The following BST1 variants were observed in gnomAD, a reference collection of about 807,000 sequenced individuals.
BST1 encodes the protein bone marrow stromal cell antigen 1.
Under a neutral mutation model 40.6 loss-of-function variants are expected in BST1, and 49 were observed. The ratio of observed to expected loss-of-function variants is 1.21; its 90% confidence interval spans 0.96 to 1.53. The LOEUF (loss-of-function observed/expected upper bound fraction) is 1.53, where lower values mean the gene tolerates loss of function less well. Among genes scored for constraint, BST1 ranks in the 40% most tolerant of loss-of-function variants. The probability of loss-of-function intolerance (pLI) is 0.00; values close to 1 mark genes in which losing one functional copy is unlikely to be tolerated. For missense variants in BST1, 423 were observed against 395.9 expected (o/e 1.07, Z -0.58); for synonymous variants, 157 against 159.3 (o/e 0.99, Z 0.11).
intron 2 of BST1, among the ~76,000 whole-genome samples, chr4:15,706,584 A>G (rs1481147538): frequency 6.6e-6 from 1 of 152,254 alleles, no homozygotes; most frequent in Non-Finnish European, 1.5e-5. Flanking sequence ...AAGGAATGCT[A>G]GACACCATTT....
intron 8 of BST1, 96 bp from the exon 9 acceptor site, chr4:15,731,644 C>G (rs2148896910): frequency 3.4e-6 from 5 of 1,466,844 alleles, no homozygotes; most frequent in Middle Eastern, 3.6e-4. Flanking sequence ...TCGCTCCGCG[C>G]TAACCAGAAA....
the BST1 span, among the ~76,000 whole-genome samples, chr4:15,759,959 A>T: frequency 6.6e-6 from 1 of 151,934 alleles, no homozygotes; most frequent in Non-Finnish European, 1.5e-5. Flanking sequence ...ATTTACAAAC[A>T]TAAAATTTAT....
downstream of BST1, among the ~76,000 whole-genome samples, chr4:15,735,316 C>T (rs1721515898): frequency 1.3e-5 from 2 of 152,318 alleles, no homozygotes; most frequent in East Asian, 3.9e-4. Context: ...GGGACTGTGG[C>T]TTCTTTGCAG....
the BST1 span, among the ~76,000 whole-genome samples, chr4:15,747,491 C>T: frequency 1.3e-5 from 2 of 152,078 alleles, no homozygotes; most frequent in Non-Finnish European, 2.9e-5. Context: ...GGAGTTTTTC[C>T]GTGAAGCCAG....
chr4:15,768,489 T>C, the BST1 span, among the ~76,000 whole-genome samples: 1 of 143,340 alleles, frequency 7.0e-6, no homozygotes, highest in Admixed American at 6.9e-5. Context: ...TCTTTTTTTT[T>C]TTTTTTTTTT....
At chr4:15,761,055 GT>G in the BST1 span, among the ~76,000 whole-genome samples, 2 of 151,392 alleles carry the variant, frequency 1.3e-5, no homozygotes, top group Admixed American at 6.6e-5. Flanking sequence ...GTTTTGTTTT[GT>G]TTTTTAAGAC....
At chr4:15,766,208 A>T in the BST1 span, among the ~76,000 whole-genome samples, 8 of 152,068 alleles carry the variant, frequency 5.3e-5, no homozygotes, top group East Asian at 1.4e-3. Context: ...GAAGTATAGG[A>T]TGCATATGGT....
At chr4:15,763,545 T>C in the BST1 span, among the ~76,000 whole-genome samples, 1 of 152,004 alleles carries the variant, frequency 6.6e-6, no homozygotes, top group Non-Finnish European at 1.5e-5. Flanking sequence ...CGAAGGAATG[T>C]CTTTCTGAAA....
intron 8 of BST1, 193 bp from the exon 9 acceptor site, chr4:15,731,547 C>A: frequency 9.8e-7 from 1 of 1,015,238 alleles, no homozygotes; most frequent in South Asian, 1.3e-5. Flanking sequence ...TCTCCAGAAA[C>A]TTGGGGTGCT....
chr4:15,746,853 A>T, the BST1 span, among the ~76,000 whole-genome samples: 1 of 152,156 alleles, frequency 6.6e-6, no homozygotes, highest in African/African-American at 2.4e-5. Context: ...TTAGTTCTGG[A>T]GTCCATTTGT....
chr4:15,715,774 A>G lies in BST1; in HGVS notation c.679A>G (p.Met227Val). 6.3e-7 allele frequency: 1 copy of G among 1,594,916 alleles called. No homozygotes were observed. The highest frequency in any genetic ancestry group is 8.5e-7 in the Non-Finnish European group (1 of 1,173,908). ...EKITRIEIWV[M>V]HEIGGPNVES... Reference sequence around the variant, plus strand: ...AATTACACGAATCGAGATCTGGGTTATGCATGAAATTGGGGGACCCAATGT... The same window carrying G: ...AATTACACGAATCGAGATCTGGGTTGTGCATGAAATTGGGGGACCCAATGT... Residue 227 changes from methionine (M) to valine (V), a missense_variant, in exon 6 of 9, where the codon ATG becomes GTG. Transcript: ENST00000265016.
chr4:15,725,947 CTTT>C (rs1206237130), intron 8 of BST1, among the ~76,000 whole-genome samples: 3 of 60,146 alleles, frequency 5.0e-5, no homozygotes, highest in Admixed American at 3.0e-4. Flanking sequence ...GAAGTGCGGT[CTTT>C]TTTTTTTTTT....
At chr4:15,739,033 A>G (rs1232214790), downstream of BST1, among the ~76,000 whole-genome samples, 2 of 152,228 alleles carry the variant, frequency 1.3e-5, no homozygotes, top group East Asian at 3.8e-4. Flanking sequence ...AACTTAATTC[A>G]CAGGCATTTG....
chr4:15,723,005 C>CA, intron 8 of BST1, 71 bp downstream of exon 8: 1 of 1,369,436 alleles, frequency 7.3e-7, no homozygotes, highest in Non-Finnish European at 1.0e-6. Flanking sequence ...TTTCAGTTCA[C>CA]AAACATGAAC....
chr4:15,740,674 AT>A (rs984406823), downstream of BST1, among the ~76,000 whole-genome samples: 1 of 152,236 alleles, frequency 6.6e-6, no homozygotes, highest in Non-Finnish European at 1.5e-5. Context: ...TATAACAAAT[AT>A]TTGACAGCAG....
chr4:15,737,704 G>T (rs573595830), downstream of BST1: 2 of 982,388 alleles, frequency 2.0e-6, no homozygotes, highest in South Asian at 2.7e-5. Context: ...CTCTCCTGTC[G>T]TAGGTACCAG....
rs1406808898 is a variant in BST1, at chr4:15,715,340, C to T, written c.590C>T (p.Thr197Ile). The part of the protein sequence containing the change: ...IHVMLNGSEP[T>I]GAYPIKGFFA... Reference sequence around the variant, plus strand: ...GTCATGCTGAATGGTTCAGAGCCAACAGGAGCCTATCCCATCAAAGGGTAA... The same window carrying T: ...GTCATGCTGAATGGTTCAGAGCCAATAGGAGCCTATCCCATCAAAGGGTAA... Residue 197 changes from threonine (T) to isoleucine (I), a missense_variant, in exon 5 of 9, where the codon ACA becomes ATA. Physicochemically the swap from Thr to Ile is moderately conservative, Grantham distance 89. Coordinates refer to ENST00000265016, the MANE Select transcript of BST1 (RefSeq NM_004334.3). The T allele has an allele frequency of 1.2e-6, 2 of 1,614,130 alleles. No homozygotes were observed. Among genetic ancestry groups the T allele is most frequent in the East Asian group, 2.2e-5 (1 of 44,866 alleles).
At chr4:15,708,829 C>T (rs1243133771) in intron 3 of BST1, among the ~76,000 whole-genome samples, 5 of 151,934 alleles carry the variant, frequency 3.3e-5, no homozygotes, top group East Asian at 1.9e-4. Context: ...TGCACTGAGG[C>T]GAGATCATAC....
the BST1 span, among the ~76,000 whole-genome samples, chr4:15,750,668 A>G: frequency 6.6e-6 from 1 of 152,240 alleles, no homozygotes. Context: ...ACCATATTTC[A>G]AAGACTTGGT....
Sources: gnomAD v4.1 joint callset for allele counts (sites outside exome capture counted in the v4.1 genomes callset) on GRCh38, gnomAD v4.1.1 for gene constraint, MANE v1.5 for transcripts, NCBI Gene and HGNC (gene_info 2026-07-23, HGNC 2026-07-21) for gene names.